The following ALOXE3 variants were observed in gnomAD, a reference collection of about 807,000 sequenced individuals.
The protein encoded by ALOXE3 is hydroperoxide isomerase ALOXE3.
A neutral mutation model predicts 87.5 loss-of-function variants in ALOXE3; 78 were observed. The observed-to-expected ratio is 0.89, with a 90% confidence interval of 0.74 to 1.08. The LOEUF (loss-of-function observed/expected upper bound fraction) is 1.08. Ranked by LOEUF, ALOXE3 falls within the 50% of genes least tolerant of loss-of-function variation. The pLI is 0.00. For synonymous variants in ALOXE3, 363 were observed against 370.8 expected (o/e 0.98, Z 0.24); for missense variants, 946 against 912.4 (o/e 1.04, Z -0.47).
Position 8,110,385 on chromosome 17 carries a change from C to A in ALOXE3, c.1101G>T (p.Gln367His), listed in dbSNP as rs1406177506. 6.2e-7 allele frequency: 1 copy of A among 1,606,682 alleles called. No individual in the cohort carries two copies. Among genetic ancestry groups the A allele is most frequent in the Non-Finnish European group, 8.5e-7 (1 of 1,175,602 alleles). Reference sequence around the variant, plus strand: ...CCCGGGGCGGCGGCGCCGGGCTCACCTGGATGGCCAAGGGCACCAGCGCCC... The same window carrying A: ...CCCGGGGCGGCGGCGCCGGGCTCACATGGATGGCCAAGGGCACCAGCGCCC... ...PQGALVPLAI[Q>H]LSQTPGPDSP... The change falls in exon 9 of 16, where the codon CAG becomes CAT. Residue 367 changes from glutamine to histidine, a missense_variant and splice_region_variant. Coordinates refer to ENST00000448843, the MANE Select transcript of ALOXE3 (RefSeq NM_021628.3).
rs577077464 is a variant in ALOXE3 at position 8,110,473 on chromosome 17, C to T, written c.1013G>A (p.Cys338Tyr). ...CACGTACTGCTGGCGGCCGTTTAGG[C>T]AGTGGGTGGGGGCCTCCGCCAGGAT... ...YWILAEAPTH[C>Y]LNGRQQYVAA... is the part of the protein sequence containing the mutation. The change falls in exon 9 of 16, where the codon TGC becomes TAC. Residue 338 changes from cysteine to tyrosine, a missense_variant. Cys to Tyr is a radical substitution (Grantham distance 194, BLOSUM62 -2). Transcript: ENST00000448843. 6.2e-7 allele frequency: 1 copy of T among 1,613,732 alleles called. No homozygotes were observed. The highest frequency in any genetic ancestry group is 8.5e-7 in the Non-Finnish European group (1 of 1,179,806).
At chr17:8,109,053 G>A in intron 12 of ALOXE3, 121 bp downstream of exon 12, 2 of 1,439,104 alleles carry the variant, frequency 1.4e-6, no homozygotes, top group Non-Finnish European at 1.9e-6. Context: ...ATACCCTCAA[G>A]AATTCCCTAT....
intron 4 of ALOXE3, among the ~76,000 whole-genome samples, 184 bp downstream of exon 4, chr17:8,115,422 AC>A (rs1980500017): frequency 6.6e-6 from 1 of 152,180 alleles, no homozygotes; most frequent in South Asian, 2.1e-4. Context: ...TGTTGGGACA[AC>A]TGTTACTATT....
Position 8,118,511 on chromosome 17 carries a change from G to C in ALOXE3, c.-339C>G. On this transcript the variant is annotated 5_prime_UTR_variant, in exon 1 of 16. Transcript: ENST00000448843. ...CTGCATTCCTACGTGTGAATCATCC[G>C]TGTGAATCACTAAACAGTGGAGAGT... The C allele has an allele frequency of 3.2e-6, 5 of 1,538,762 alleles. No individual in the cohort carries two copies. In the Admixed American group the frequency reaches 9.8e-5, roughly 30 times the overall value.
intron 15 of ALOXE3, among the ~76,000 whole-genome samples, chr17:8,101,038 T>G (rs1448281320): frequency 6.6e-6 from 1 of 151,856 alleles, no homozygotes; most frequent in Non-Finnish European, 1.5e-5. Context: ...TTTGTTTTTT[T>G]TTTTTTGAGA....
At chr17:8,103,057 T>C (rs1427827203) in intron 15 of ALOXE3, among the ~76,000 whole-genome samples, 1 of 152,238 alleles carries the variant, frequency 6.6e-6, no homozygotes, top group Non-Finnish European at 1.5e-5. Flanking sequence ...AACAAATGTT[T>C]ATTGAATGTT....
chr17:8,105,922 A>C (rs1979273328), intron 13 of ALOXE3, among the ~76,000 whole-genome samples: 1 of 150,858 alleles, frequency 6.6e-6, no homozygotes, highest in Non-Finnish European at 1.5e-5. Flanking sequence ...CTCAAAAAAA[A>C]AAAAAAAAAA....
chr17:8,105,604 GC>G (rs1161627533), intron 13 of ALOXE3, among the ~76,000 whole-genome samples: 3 of 152,072 alleles, frequency 2.0e-5, no homozygotes, highest in Non-Finnish European at 4.4e-5. Context: ...AATACCAAGA[GC>G]CCGGTAATTA....
rs1979888783 is a variant in ALOXE3, at chr17:8,109,960, T to C, written c.1348A>G (p.Ile450Val). 1.3e-6 allele frequency: 2 copies of C among 1,551,418 alleles called. No individual in the cohort carries two copies. Among genetic ancestry groups the C allele is most frequent in the East Asian group, 4.9e-5 (2 of 40,906 alleles). The change falls in exon 11 of 16, where the codon ATC becomes GTC. Residue 450 changes from isoleucine to valine, a missense_variant. Physicochemically the swap from Ile to Val is conservative, Grantham distance 29. Coordinates refer to ENST00000448843, the MANE Select transcript of ALOXE3 (RefSeq NM_021628.3). ...GGGTTGAGCAGCGTGGCCCTCGCGA[T>C]GGTGTTCACCTGCAGCGTGTATCGA... is the stretch of plus-strand genomic sequence containing the variant. ...HTRYTLQVNT[I>V]ARATLLNPEG...
chr17:8,097,747 CTTTT>C (rs60450170), intron 15 of ALOXE3, among the ~76,000 whole-genome samples: 4 of 129,436 alleles, frequency 3.1e-5, no homozygotes, highest in Non-Finnish European at 1.6e-5. Context: ...TACTACTGAT[CTTTT>C]TTTTTTTTTT....
Position 8,110,255 on chromosome 17 carries a change from G to C in ALOXE3, c.1142C>G (p.Pro381Arg), listed in dbSNP as rs1979934841. Reference sequence around the variant, plus strand: ...CAGCCAGTCCCATTCGGAGTCAGTGGGCAGGAAGATGGGGCTGTCAGGCCC... The same window carrying C: ...CAGCCAGTCCCATTCGGAGTCAGTGCGCAGGAAGATGGGGCTGTCAGGCCC... ...TPGPDSPIFL[P>R]TDSEWDWLLA... Residue 381 changes from proline to arginine, a missense_variant, in exon 10 of 16, where the codon CCC becomes CGC. By Grantham distance (103) the Pro-to-Arg change is moderately radical (BLOSUM62 -2). Transcript: ENST00000448843. The C allele has an allele frequency of 6.2e-7, 1 of 1,613,960 alleles. No individual in the cohort carries two copies. The highest frequency in any genetic ancestry group is 8.5e-7 in the Non-Finnish European group (1 of 1,179,940).
At chr17:8,098,080 G>A (rs557532014) in intron 15 of ALOXE3, among the ~76,000 whole-genome samples, 14 of 152,068 alleles carry the variant, frequency 9.2e-5, no homozygotes, top group African/African-American at 2.4e-4. Context: ...TCTTTTTCTC[G>A]TTTTGTTGCA....
intron 13 of ALOXE3, among the ~76,000 whole-genome samples, chr17:8,107,736 T>C (rs868659573): frequency 6.7e-6 from 1 of 149,482 alleles, no homozygotes; most frequent in South Asian, 2.1e-4. Flanking sequence ...GAGGCGGAGC[T>C]TGCAGTGAGC....
chr17:8,103,811 C>T (rs377621981), intron 14 of ALOXE3, among the ~76,000 whole-genome samples: 3 of 151,960 alleles, frequency 2.0e-5, no homozygotes, highest in Admixed American at 6.6e-5. Context: ...TAGAAAAGGG[C>T]CTTGGGTTGC....
chr17:8,111,971 C>G (rs576684803), intron 7 of ALOXE3, 122 bp downstream of exon 7: 74 of 898,476 alleles, frequency 8.2e-5, no homozygotes, highest in Admixed American at 7.7e-4. Flanking sequence ...GGAGCCCCTC[C>G]CACTCAAATC....
At chr17:8,110,602 T>G in intron 8 of ALOXE3, 74 bp from the exon 9 acceptor site, 1 of 1,603,456 alleles carries the variant, frequency 6.2e-7, no homozygotes, top group Non-Finnish European at 8.5e-7. Flanking sequence ...CCTGCCCACT[T>G]CCACCCCAGA....
rs1567999199 is a variant in ALOXE3 at position 8,109,950 on chromosome 17, GC to G, written c.1357del (p.Ala453ProfsTer25). ...GAGGCCCTCGGGGTTGAGCAGCGTG[GC>G]CCTCGCGATGGTGTTCACCTGCAGC... ...YTLQVNTIAR[A>X]TLLNPEGLVD... is the part of the protein sequence containing the mutation. On this transcript the variant is annotated frameshift_variant, in exon 11 of 16. Transcript: ENST00000448843. LOFTEE classifies it high-confidence loss of function. 1.9e-6 allele frequency: 3 copies of G among 1,551,298 alleles called. No homozygotes were observed. The highest frequency in any genetic ancestry group is 2.6e-6 in the Non-Finnish European group (3 of 1,146,852).
In ALOXE3 at chr17:8,108,508, G is replaced by T; in HGVS notation, c.1644C>A (p.Gly548=). 6.2e-7 allele frequency: 1 copy of T among 1,613,402 alleles called. No homozygotes were observed. Among genetic ancestry groups the T allele is most frequent in the Non-Finnish European group, 8.5e-7 (1 of 1,179,630 alleles). ...CCAGGAACGCCTGAGCAAAAATCTC[G>T]CCAGTCCAGGCCTGCAGCTCCGAAT... ...QQDSELQAWT[G]EIFAQAFLGR... Residue 548 remains glycine, a synonymous_variant, in exon 13 of 16, where the codon GGC becomes GGA. Coordinates refer to ENST00000448843, the MANE Select transcript of ALOXE3 (RefSeq NM_021628.3).
intron 6 of ALOXE3, among the ~76,000 whole-genome samples, chr17:8,112,583 A>C (rs1598213242): frequency 6.6e-6 from 1 of 152,052 alleles, no homozygotes; most frequent in Admixed American, 6.6e-5. Flanking sequence ...GGAGATCCCC[A>C]CCAGCCAGCT....
Sources: allele counts gnomAD v4.1 joint callset (sites outside exome capture counted in the v4.1 genomes callset), GRCh38; gene constraint gnomAD v4.1.1; transcripts MANE v1.5; gene names NCBI Gene and HGNC (gene_info 2026-07-23, HGNC 2026-07-21).